Variants in AOPEP observed in about 807,000 individuals in gnomAD.
The protein encoded by AOPEP is aminopeptidase O.
A neutral mutation model predicts 98.1 loss-of-function variants in AOPEP; 77 were observed. The ratio of observed to expected loss-of-function variants is 0.78; its 90% CI spans 0.65 to 0.95. The LOEUF (loss-of-function observed/expected upper bound fraction) is 0.95. Among genes scored for constraint, AOPEP ranks in the 40% least tolerant of loss-of-function variants. The pLI, the probability that AOPEP is intolerant of heterozygous loss-of-function variation, is 0.00. For synonymous variants in AOPEP, 346 were observed against 365.3 expected, an observed-to-expected ratio of 0.95 and a Z score of 0.60; for missense variants, 1,024 against 1,024.7, an observed-to-expected ratio of 1.00 and a Z score of 0.01.
intron 7 of AOPEP, among the ~76,000 whole-genome samples, chr9:94,952,537 G>A (rs371423249): frequency 6.6e-6 from 1 of 152,170 alleles, no homozygotes; most frequent in African/African-American, 2.4e-5. Flanking sequence ...TGTGCACTTC[G>A]TGGACCTGAC....
intron 7 of AOPEP, among the ~76,000 whole-genome samples, chr9:94,951,103 C>G (rs1473767943): frequency 6.6e-6 from 1 of 152,246 alleles, no homozygotes; most frequent in Admixed American, 6.5e-5. Flanking sequence ...CAACAGAAAC[C>G]AAGGGCATTT....
chr9:95,008,522 A>G lies in AOPEP; in HGVS notation c.2115+2906A>G, dbSNP rs981726334. Among the ~76,000 whole-genome samples, 8 of 152,368 alleles carry G rather than the reference A, an allele frequency of 5.3e-5. 1 individual carries two copies. In the East Asian group the frequency reaches 1.3e-3, roughly 26 times the overall value. On this transcript the variant is annotated intron_variant, in intron 13 of 16. Coordinates refer to ENST00000375315, the MANE Select transcript of AOPEP (RefSeq NM_001193329.3). ...CTCGAAGGTGCTGAGTAGTAGGCACAGTCTGATGTAACCTGAAATACTAGT... is the reference window on the plus strand; with the variant it reads ...CTCGAAGGTGCTGAGTAGTAGGCACGGTCTGATGTAACCTGAAATACTAGT...
the AOPEP span, among the ~76,000 whole-genome samples, chr9:95,145,081 C>T: frequency 6.6e-6 from 1 of 152,138 alleles, no homozygotes; most frequent in Non-Finnish European, 1.5e-5. Context: ...CTCACTTTCA[C>T]AAAATCCTGG....
intron 3 of AOPEP, among the ~76,000 whole-genome samples, chr9:94,788,180 C>A (rs186492324): frequency 0.012 from 1,761 of 152,208 alleles, 42 homozygotes; most frequent in African/African-American, 0.04. Flanking sequence ...AAGTGATCCT[C>A]CTACCTCAGC....
At chr9:95,009,938 G>GA (rs914182718) in intron 13 of AOPEP, among the ~76,000 whole-genome samples, 100 of 139,652 alleles carry the variant, frequency 7.2e-4, no homozygotes, top group Admixed American at 1.4e-3. Context: ...TCTTTTAAGT[G>GA]AAAAAAAAAA....
At chr9:94,729,949 A>G (rs1265495861) in intron 1 of AOPEP, among the ~76,000 whole-genome samples, 3 of 152,170 alleles carry the variant, frequency 2.0e-5, no homozygotes, top group African/African-American at 7.2e-5. Flanking sequence ...CTTGGAGGTT[A>G]GACTATTGAA....
the AOPEP span, among the ~76,000 whole-genome samples, chr9:95,147,642 T>C: frequency 1.3e-5 from 2 of 152,244 alleles, no homozygotes; most frequent in African/African-American, 2.4e-5. Flanking sequence ...GTGAGGAAAG[T>C]TATTTTTCCC....
intron 11 of AOPEP, among the ~76,000 whole-genome samples, chr9:94,997,854 C>G (rs1477233765): frequency 6.6e-6 from 1 of 152,116 alleles, no homozygotes; most frequent in Non-Finnish European, 1.5e-5. Flanking sequence ...CCACCGTGCC[C>G]AGCTAATTTT....
chr9:94,792,292 A>G (rs916412210), intron 3 of AOPEP, among the ~76,000 whole-genome samples: 1 of 152,194 alleles, frequency 6.6e-6, no homozygotes, highest in Non-Finnish European at 1.5e-5. Context: ...GTTTTCTACT[A>G]TATTCATTTT....
In AOPEP at chr9:95,083,344, C is replaced by CA. The variant is rs1478643939; in HGVS notation, c.*4+626dup. 3.8e-4 allele frequency among the ~76,000 whole-genome samples: 57 copies of CA among 151,116 alleles called. 1 individual carries two copies. In the South Asian group the frequency reaches 0.012, roughly 31 times the overall value. On this transcript the variant is annotated intron_variant, in intron 16 of 16. Coordinates refer to ENST00000375315, the MANE Select transcript of AOPEP (RefSeq NM_001193329.3). ...CACCACACAGAGCACGCACAGCACA[C>CA]ACCACACAGCGCACGCACCACACAG...
At chr9:94,939,110 T>C (rs113177923) in intron 7 of AOPEP, among the ~76,000 whole-genome samples, 2,957 of 152,124 alleles carry the variant, frequency 0.019, 105 homozygotes, top group African/African-American at 0.067. Context: ...TAGCTGAGCA[T>C]GGTGGCAGGC....
At chr9:95,134,284 C>T in the AOPEP span, among the ~76,000 whole-genome samples, 10 of 152,274 alleles carry the variant, frequency 6.6e-5, no homozygotes, top group African/African-American at 2.4e-4. Flanking sequence ...ACACAGAAGT[C>T]CCAACTGAAC....
chr9:94,922,468 G>C (rs1218758131), intron 5 of AOPEP, among the ~76,000 whole-genome samples: 1 of 152,224 alleles, frequency 6.6e-6, no homozygotes, highest in Non-Finnish European at 1.5e-5. Flanking sequence ...AGTATGTCTG[G>C]AATGTTATTT....
intron 5 of AOPEP, among the ~76,000 whole-genome samples, chr9:94,842,118 TC>T (rs1237931987): frequency 6.6e-6 from 1 of 152,082 alleles, no homozygotes; most frequent in Non-Finnish European, 1.5e-5. Flanking sequence ...TCCCAGCACT[TC>T]GGGAGGCCTA....
chr9:95,137,657 T>C, the AOPEP span, among the ~76,000 whole-genome samples: 2 of 152,120 alleles, frequency 1.3e-5, no homozygotes, highest in Non-Finnish European at 2.9e-5. Context: ...GCAGAGATAT[T>C]CAATAGGTCC....
intron 14 of AOPEP, 89 bp downstream of exon 14, chr9:95,060,899 C>T (rs1587852144): frequency 8.3e-6 from 7 of 838,908 alleles, no homozygotes; most frequent in Non-Finnish European, 1.2e-5. Context: ...ACTATTGAAA[C>T]CACCATTTCT....
downstream of AOPEP, among the ~76,000 whole-genome samples, chr9:95,088,798 C>A (rs189406482): frequency 6.6e-6 from 1 of 152,378 alleles, no homozygotes; most frequent in East Asian, 1.9e-4. Flanking sequence ...GACCACTAAT[C>A]CCCTGGCTCC....
chr9:95,094,019 G>C, the AOPEP span, among the ~76,000 whole-genome samples: 2 of 152,168 alleles, frequency 1.3e-5, no homozygotes, highest in African/African-American at 2.4e-5. Context: ...TTGCACGCAG[G>C]CTTTTCCTTT....
intron 2 of AOPEP, chr9:94,763,009 C>T (rs1046942034): frequency 3.1e-6 from 1 of 322,016 alleles, no homozygotes; most frequent in African/African-American, 2.2e-5. Flanking sequence ...AGTCTGTCTA[C>T]ATTTATTAAA....
Sources: allele counts gnomAD v4.1 joint callset (sites outside exome capture counted in the v4.1 genomes callset), GRCh38; gene constraint gnomAD v4.1.1; transcripts MANE v1.5; gene names NCBI Gene and HGNC (gene_info 2026-07-23, HGNC 2026-07-21).